RIBC2: variants seen among roughly 807,000 people sequenced by gnomAD.
RIBC2 encodes the protein RIB43A domain with coiled-coils 2.
A neutral mutation model predicts 44.3 loss-of-function variants in RIBC2; 40 were observed. The ratio of observed to expected loss-of-function variants is 0.90; its 90% CI spans 0.70 to 1.18. The LOEUF (loss-of-function observed/expected upper bound fraction) is 1.18. Ranked by LOEUF, RIBC2 falls within the 50% of genes most tolerant of loss-of-function variation. RIBC2 has a pLI of 0.00. For synonymous variants in RIBC2, 171 were observed against 175.0 expected, an observed-to-expected ratio of 0.98 and a Z score of 0.18; for missense variants, 459 against 485.5, an observed-to-expected ratio of 0.95 and a Z score of 0.51.
chr22:45,424,721 A>C (rs571375571), intron 4 of RIBC2, among the ~76,000 whole-genome samples: 1 of 150,574 alleles, frequency 6.6e-6, no homozygotes, highest in East Asian at 1.9e-4. Context: ...TCCCAGGAGC[A>C]GTACTGCCAC....
At chr22:45,418,196 G>T in intron 3 of RIBC2, 1 of 341,574 alleles carries the variant, frequency 2.9e-6, no homozygotes. Flanking sequence ...TCAGTCATGT[G>T]GAAAACACTT....
At chr22:45,423,667 A>C (rs2087507140) in intron 4 of RIBC2, among the ~76,000 whole-genome samples, 1 of 152,176 alleles carries the variant, frequency 6.6e-6, no homozygotes, top group Non-Finnish European at 1.5e-5. Context: ...GTGGGTTTTC[A>C]ACACGGGGGA....
chr22:45,422,467 G>C (rs533434233), intron 4 of RIBC2, 59 bp downstream of exon 4: 18 of 1,190,804 alleles, frequency 1.5e-5, no homozygotes, highest in East Asian at 2.3e-5. Context: ...GCCCACTACG[G>C]CTTCCCAAGG....
At position 45,422,316 on chromosome 22, in the gene RIBC2, C is replaced by T. The variant is rs1569209283; in HGVS notation, c.583C>T (p.Gln195Ter). The T allele has an allele frequency of 1.9e-6, 3 of 1,614,126 alleles. No homozygotes were observed. Among genetic ancestry groups the T allele is most frequent in the Non-Finnish European group, 2.5e-6 (3 of 1,179,944 alleles). ...GGCCCTCTACACAGAGACAAGGCTG[C>T]AGTTTGACGAGACAGCCAAGCACCT... ...AEALYTETRLQFDETAKHLQK... is the reference protein window; with the variant it reads ...AEALYTETRL Residue 195 changes from glutamine to a stop codon, truncating the protein, a stop_gained, in exon 4 of 7, where the codon CAG becomes TAG. Coordinates refer to ENST00000614167, the MANE Select transcript of RIBC2 (RefSeq NM_015653.5). LOFTEE classifies it high-confidence loss of function.
At chr22:45,424,183 C>T (rs796380798) in intron 4 of RIBC2, among the ~76,000 whole-genome samples, 2 of 152,208 alleles carry the variant, frequency 1.3e-5, no homozygotes, top group African/African-American at 2.4e-5. Context: ...TGGGAAAAGC[C>T]GCCCTCTGGC....
At chr22:45,419,205 A>T (rs1021873890) in intron 3 of RIBC2, among the ~76,000 whole-genome samples, 1 of 152,200 alleles carries the variant, frequency 6.6e-6, no homozygotes, top group African/African-American at 2.4e-5. Flanking sequence ...TCTTCCCTGA[A>T]TCCAGACTCA....
chr22:45,422,110 C>T (rs1434953616), intron 3 of RIBC2, among the ~76,000 whole-genome samples, 180 bp from the exon 4 acceptor site: 2 of 152,184 alleles, frequency 1.3e-5, no homozygotes, highest in Non-Finnish European at 2.9e-5. Flanking sequence ...TAGTAGTGAT[C>T]ACTAGCACTC....
intron 5 of RIBC2, among the ~76,000 whole-genome samples, chr22:45,426,923 A>T (rs2087539881): frequency 6.6e-6 from 1 of 151,774 alleles, no homozygotes; most frequent in Admixed American, 6.6e-5. Context: ...TTGGGTGGGG[A>T]CGTGTGAAAG....
At chr22:45,423,523 T>C (rs1424748628) in intron 4 of RIBC2, among the ~76,000 whole-genome samples, 1 of 152,202 alleles carries the variant, frequency 6.6e-6, no homozygotes, top group Non-Finnish European at 1.5e-5. Context: ...TGTGTAGTTA[T>C]AAGCATGTGC....
chr22:45,426,508 C>T lies in RIBC2; in HGVS notation c.903+333C>T, dbSNP rs534173911. 2.6e-5 allele frequency among the ~76,000 whole-genome samples: 4 copies of T among 152,340 alleles called. No individual in the cohort carries two copies. In the East Asian group the frequency reaches 7.7e-4, roughly 29 times the overall value. ...CAAGGGCAAAGGCCTTGAGGCAGGACCCTGCCAGACCTGCTCAGAGAAGGG... is the reference window on the plus strand; with the variant it reads ...CAAGGGCAAAGGCCTTGAGGCAGGATCCTGCCAGACCTGCTCAGAGAAGGG... On this transcript the variant is annotated intron_variant, in intron 5 of 6. Coordinates refer to ENST00000614167, the MANE Select transcript of RIBC2 (RefSeq NM_015653.5).
chr22:45,424,867 T>G (rs1289370577), intron 4 of RIBC2, among the ~76,000 whole-genome samples: 1 of 150,526 alleles, frequency 6.6e-6, no homozygotes, highest in Non-Finnish European at 1.5e-5. Context: ...ACCATTCTCC[T>G]GCCTCAGCCT....
rs2087530510 is a variant in RIBC2 at position 45,426,027 on chromosome 22, T to TCC, written c.755_756insCC (p.Gly254ValfsTer29). On this transcript the variant is annotated frameshift_variant, in exon 5 of 7. Coordinates refer to ENST00000614167, the MANE Select transcript of RIBC2 (RefSeq NM_015653.5). LOFTEE classifies it high-confidence loss of function. The stretch of plus-strand genomic sequence containing the variant: ...AACTTGGCCGAGATCACCAACCTCC[T>TCC]GCGTGGGGACCTGCTCTCCGAGAAC... 5.0e-6 allele frequency: 8 copies of TCC among 1,613,966 alleles called. No homozygotes were observed. Among genetic ancestry groups the TCC allele is most frequent in the Non-Finnish European group, 6.8e-6 (8 of 1,180,024 alleles).
At chr22:45,414,488 C>CTTT in intron 2 of RIBC2, 85 bp downstream of exon 2, 3 of 701,186 alleles carry the variant, frequency 4.3e-6, no homozygotes, top group East Asian at 3.7e-5. Context: ...CCTGCCCCGC[C>CTTT]TTTTTTTTTT....
intron 3 of RIBC2, among the ~76,000 whole-genome samples, chr22:45,420,745 G>T (rs1407849872): frequency 6.6e-6 from 1 of 152,122 alleles, no homozygotes; most frequent in Non-Finnish European, 1.5e-5. Context: ...CATATATTTT[G>T]AACTGTCCGC....
At chr22:45,417,121 A>G (rs368694918) in intron 2 of RIBC2, among the ~76,000 whole-genome samples, 1 of 150,168 alleles carries the variant, frequency 6.7e-6, no homozygotes, top group Non-Finnish European at 1.5e-5. Context: ...GGCTGGTCTT[A>G]TACTCCTGAT....
intron 4 of RIBC2, among the ~76,000 whole-genome samples, chr22:45,424,421 G>C (rs910101384): frequency 6.6e-6 from 1 of 152,228 alleles, no homozygotes; most frequent in Non-Finnish European, 1.5e-5. Flanking sequence ...CTGCAGCCTT[G>C]GGCAGGCCAC....
chr22:45,413,896 C>T lies in RIBC2; in HGVS notation c.10C>T (p.Gln4Ter). The change falls in exon 1 of 7, where the codon CAG (glutamine) becomes TAG (stop). Residue 4 changes from glutamine (Q) to a stop codon, truncating the protein, a stop_gained. Coordinates refer to ENST00000614167, the MANE Select transcript of RIBC2 (RefSeq NM_015653.5). LOFTEE classifies it high-confidence loss of function. Reference sequence around the variant, plus strand: ...ACCCCTTAGGCTTTCCATGGGTTCCCAGACCATGGCGGTGGCGCTGCCCAG... The same window carrying T: ...ACCCCTTAGGCTTTCCATGGGTTCCTAGACCATGGCGGTGGCGCTGCCCAG... MGS[Q>*]TMAVALPRDL... 6.4e-7 allele frequency: 1 copy of T among 1,551,178 alleles called. No homozygotes were observed. Among genetic ancestry groups the T allele is most frequent in the Non-Finnish European group, 8.7e-7 (1 of 1,146,648 alleles).
intron 5 of RIBC2, among the ~76,000 whole-genome samples, 200 bp from the exon 6 acceptor site, chr22:45,430,700 G>T (rs2087571161): frequency 6.6e-6 from 1 of 152,184 alleles, no homozygotes; most frequent in South Asian, 2.1e-4. Flanking sequence ...TCCTGACGGG[G>T]GAGGGCAGCT....
At chr22:45,430,056 A>G (rs1312406368) in intron 5 of RIBC2, among the ~76,000 whole-genome samples, 2 of 152,132 alleles carry the variant, frequency 1.3e-5, no homozygotes, top group African/African-American at 4.8e-5. Context: ...TGGGCTCCTG[A>G]GAGCAGCCTG....
Sources: allele counts gnomAD v4.1 joint callset (sites outside exome capture counted in the v4.1 genomes callset), GRCh38; gene constraint gnomAD v4.1.1; transcripts MANE v1.5; gene names NCBI Gene and HGNC (gene_info 2026-07-23, HGNC 2026-07-21).